The following MYO1E variants were observed in gnomAD, a reference collection of about 807,000 sequenced individuals.
MYO1E encodes the protein unconventional myosin-Ie.
Under a neutral mutation model 151.1 loss-of-function variants are expected in MYO1E, and 68 were observed. The ratio of observed to expected loss-of-function variants is 0.45; its 90% CI spans 0.37 to 0.55. The LOEUF (loss-of-function observed/expected upper bound fraction) is 0.55. Among genes scored for constraint, MYO1E ranks in the 20% least tolerant of loss-of-function variants. MYO1E has a pLI of 0.00. For missense variants in MYO1E, 1,363 were observed against 1,389.3 expected (o/e 0.98, Z 0.30); for synonymous variants, 601 against 501.7 (o/e 1.20, Z -2.64).
At position 59,137,309 on chromosome 15, in the gene MYO1E, G is replaced by C; in HGVS notation, c.*71C>G. ...TTGCTCATTGTGGATTGTAAGGGGA[G>C]CCCCTAAATATCCCCTCCCCTGGTC... On this transcript the variant is annotated 3_prime_UTR_variant, in exon 28 of 28. Coordinates refer to ENST00000288235, the MANE Select transcript of MYO1E (RefSeq NM_004998.4). 2 of 1,325,354 alleles carry C rather than the reference G, an allele frequency of 1.5e-6. No individual in the cohort carries two copies. Among genetic ancestry groups the C allele is most frequent in the East Asian group, 2.3e-5 (1 of 43,552 alleles). 82.1% of individuals were successfully genotyped at this position (1,325,354 alleles called of 1,614,324 possible).
intron 1 of MYO1E, among the ~76,000 whole-genome samples, chr15:59,353,278 C>T (rs539509510): frequency 3.1e-4 from 44 of 143,956 alleles, no homozygotes; most frequent in Admixed American, 1.1e-3. Flanking sequence ...GATTGCTTGA[C>T]CCCAGGAGTT....
intron 1 of MYO1E, among the ~76,000 whole-genome samples, chr15:59,293,594 T>C (rs1232901389): frequency 6.6e-6 from 1 of 151,488 alleles, no homozygotes; most frequent in African/African-American, 2.4e-5. Flanking sequence ...TTAAAAAATA[T>C]GTATAAAGCT....
At chr15:59,212,921 A>G (rs2079888752) in intron 12 of MYO1E, 1 of 151,806 alleles carries the variant, frequency 6.6e-6, no homozygotes, top group Non-Finnish European at 1.5e-5. Context: ...GAGCCACCAG[A>G]AACTAGAAGA....
intron 1 of MYO1E, among the ~76,000 whole-genome samples, chr15:59,347,902 G>A (rs1311566977): frequency 2.6e-5 from 4 of 152,144 alleles, no homozygotes; most frequent in Non-Finnish European, 4.4e-5. Context: ...TGGGGTTAAG[G>A]AAGACAATCT....
chr15:59,211,365 G>A (rs142848491), intron 12 of MYO1E, among the ~76,000 whole-genome samples: 2 of 152,116 alleles, frequency 1.3e-5, no homozygotes, highest in Admixed American at 6.5e-5. Flanking sequence ...AGCTTCCTTT[G>A]CCAGGTCTTT....
At chr15:59,214,400 T>G (rs1380125592) in intron 11 of MYO1E, 86 bp from the exon 12 acceptor site, 1 of 1,063,066 alleles carries the variant, frequency 9.4e-7, no homozygotes, top group African/African-American at 1.6e-5. Context: ...AATGTCTTCA[T>G]GTGAAAAGCT....
At chr15:59,220,770 A>G (rs776156594) in intron 9 of MYO1E, among the ~76,000 whole-genome samples, 1 of 151,824 alleles carries the variant, frequency 6.6e-6, no homozygotes, top group South Asian at 2.1e-4. Context: ...AATAAAGTGT[A>G]GCCAATGAAT....
chr15:59,220,542 A>AT (rs1269376474), intron 9 of MYO1E, among the ~76,000 whole-genome samples: 1 of 151,940 alleles, frequency 6.6e-6, no homozygotes, highest in African/African-American at 2.4e-5. Flanking sequence ...AAATCTTACC[A>AT]TTTTTTTCCA....
At chr15:59,193,687 T>C (rs1386535934) in intron 17 of MYO1E, among the ~76,000 whole-genome samples, 1 of 152,068 alleles carries the variant, frequency 6.6e-6, no homozygotes, top group African/African-American at 2.4e-5. Flanking sequence ...TTATCGCAGA[T>C]TGAAAACCTG....
chr15:59,237,110 T>TA (rs1238808216), intron 4 of MYO1E, among the ~76,000 whole-genome samples: 1 of 151,878 alleles, frequency 6.6e-6, no homozygotes, highest in Non-Finnish European at 1.5e-5. Flanking sequence ...TTTTTTTTCT[T>TA]AAAAAAAAGA....
chr15:59,194,549 G>A (rs78129621), intron 17 of MYO1E, among the ~76,000 whole-genome samples: 31 of 152,080 alleles, frequency 2.0e-4, no homozygotes, highest in Non-Finnish European at 2.6e-4. Context: ...TTCTTCACTC[G>A]ACACCTAAAA....
chr15:59,276,341 T>A (rs2080318852), intron 1 of MYO1E, among the ~76,000 whole-genome samples: 1 of 152,134 alleles, frequency 6.6e-6, no homozygotes, highest in African/African-American at 2.4e-5. Context: ...ATGGTACCAT[T>A]TTAAACAGGT....
At chr15:59,286,291 T>C (rs976255760) in intron 1 of MYO1E, among the ~76,000 whole-genome samples, 4 of 152,218 alleles carry the variant, frequency 2.6e-5, no homozygotes, top group Admixed American at 1.3e-4. Context: ...GCTGGAGGTA[T>C]GCTGACATGA....
At chr15:59,157,010 C>T (rs2079512984) in intron 25 of MYO1E, among the ~76,000 whole-genome samples, 3 of 151,944 alleles carry the variant, frequency 2.0e-5, no homozygotes, top group South Asian at 4.2e-4. Flanking sequence ...ACTGCTTGAA[C>T]CTAGGAGTTC....
chr15:59,349,188 A>G (rs184945239), intron 1 of MYO1E, among the ~76,000 whole-genome samples: 1 of 152,258 alleles, frequency 6.6e-6, no homozygotes, highest in Non-Finnish European at 1.5e-5. Flanking sequence ...ATTAATAGTA[A>G]TTATTAATTA....
chr15:59,341,166 G>A (rs905997949), intron 1 of MYO1E: 6 of 151,966 alleles, frequency 3.9e-5, no homozygotes, highest in South Asian at 2.1e-4. Flanking sequence ...TCACATGATC[G>A]AAAATGGGGT....
chr15:59,211,945 C>CTT, intron 12 of MYO1E, among the ~76,000 whole-genome samples: 1 of 152,220 alleles, frequency 6.6e-6, no homozygotes, highest in South Asian at 2.1e-4. Flanking sequence ...TCATCCCACT[C>CTT]TATAAGTCTA....
intron 14 of MYO1E, 132 bp from the exon 15 acceptor site, chr15:59,205,617 C>T (rs2079828827): frequency 2.5e-6 from 2 of 797,068 alleles, no homozygotes. Context: ...CTCACCACAA[C>T]ATGTGGATTT....
chr15:59,182,317 A>C (rs985811021), intron 18 of MYO1E, among the ~76,000 whole-genome samples: 1 of 151,950 alleles, frequency 6.6e-6, no homozygotes, highest in African/African-American at 2.4e-5. Flanking sequence ...GGTTCAAGCG[A>C]TTCTCCTGCC....
Sources: gnomAD v4.1 joint callset for allele counts (sites outside exome capture counted in the v4.1 genomes callset) on GRCh38, gnomAD v4.1.1 for gene constraint, MANE v1.5 for transcripts, NCBI Gene and HGNC (gene_info 2026-07-23, HGNC 2026-07-21) for gene names.